PPM1D: variants seen among roughly 807,000 people sequenced by gnomAD.
PPM1D encodes the protein protein phosphatase 1D.
Under a neutral mutation model 58.3 loss-of-function variants are expected in PPM1D, and 52 were observed. The ratio of observed to expected loss-of-function variants is 0.89; its 90% CI spans 0.71 to 1.12. PPM1D has a LOEUF of 1.12. Ranked by LOEUF, PPM1D falls within the 50% of genes most tolerant of loss-of-function variation. The probability of loss-of-function intolerance (pLI) is 0.00; values close to 1 mark genes in which losing one functional copy is unlikely to be tolerated. For synonymous variants in PPM1D, 278 were observed against 285.1 expected, an observed-to-expected ratio of 0.98 and a Z score of 0.25; for missense variants, 564 against 777.2, an observed-to-expected ratio of 0.73 and a Z score of 3.26.
Position 60,663,597 on chromosome 17 carries a change from G to C in PPM1D, c.*45G>C. The stretch of plus-strand genomic sequence containing the variant: ...GTTTTTCCAAACTTAGGATATAAGA[G>C]GGCTTTTTAAATTTGGTGCCGATGT... On this transcript the variant is annotated 3_prime_UTR_variant, in exon 6 of 6. Transcript: ENST00000305921. 1 of 1,547,388 alleles carries C rather than the reference G, an allele frequency of 6.5e-7. No homozygotes were observed. The highest frequency in any genetic ancestry group is 1.2e-5 in the South Asian group (1 of 84,622).
At position 60,663,448 on chromosome 17, in the gene PPM1D, C is replaced by T. The variant is rs765769406; in HGVS notation, c.1714C>T (p.Arg572Ter). The T allele has an allele frequency of 8.7e-6, 14 of 1,613,874 alleles. No individual in the cohort carries two copies. Among genetic ancestry groups the T allele is most frequent in the East Asian group, 4.5e-5 (2 of 44,896 alleles). The change falls in exon 6 of 6, where the codon CGA becomes TGA. Residue 572 changes from arginine to a stop codon, truncating the protein, a stop_gained. Coordinates refer to ENST00000305921, the MANE Select transcript of PPM1D (RefSeq NM_003620.4). LOFTEE classifies it high-confidence loss of function. ...TGCAAGTCTCCCCACAACCTCACAGCGAAAGAACTCTGTTAAACTCACCAT... is the reference window on the plus strand; with the variant it reads ...TGCAAGTCTCCCCACAACCTCACAGTGAAAGAACTCTGTTAAACTCACCAT... ...QPASLPTTSQ[R>*]KNSVKLTMRR...
At chr17:60,624,230 G>A (rs949200085) in intron 2 of PPM1D, among the ~76,000 whole-genome samples, 13 of 152,238 alleles carry the variant, frequency 8.5e-5, no homozygotes, top group African/African-American at 3.1e-4. Context: ...AACTGAAATT[G>A]ATTTCAATTT....
Position 60,656,661 on chromosome 17 carries a change from G to A in PPM1D, c.1080G>A (p.Gln360=). ...ATCGAGCATTGGGCCGCTGGAGGCA[G>A]CGTATGCTCCGAGCAGATAACACTA... ...LVNRALGRWR[Q]RMLRADNTSA... Residue 360 remains glutamine (Q), a synonymous_variant, in exon 5 of 6, where the codon CAG becomes CAA. Transcript: ENST00000305921. 1 of 1,614,204 alleles carries A rather than the reference G, an allele frequency of 6.2e-7. No individual in the cohort carries two copies. Among genetic ancestry groups the A allele is most frequent in the South Asian group, 1.1e-5 (1 of 91,084 alleles).
At chr17:60,645,492 G>GTGTATATATATATA (rs1351779799) in intron 3 of PPM1D, among the ~76,000 whole-genome samples, 2 of 132,092 alleles carry the variant, frequency 1.5e-5, no homozygotes, top group African/African-American at 6.3e-5. Flanking sequence ...GTGTGTGTGT[G>GTGTATATATATATA]TATGTGTATA....
At chr17:60,633,797 T>TA (rs2030973355) in intron 2 of PPM1D, 56 bp from the exon 3 acceptor site, 1 of 1,443,856 alleles carries the variant, frequency 6.9e-7, no homozygotes, top group Non-Finnish European at 9.5e-7. Context: ...TACTGAGCTA[T>TA]CTTAGTTGTT....
At chr17:60,614,169 C>A (rs560074965) in intron 1 of PPM1D, among the ~76,000 whole-genome samples, 1 of 151,890 alleles carries the variant, frequency 6.6e-6, no homozygotes, top group Non-Finnish European at 1.5e-5. Context: ...ATCAGCACTC[C>A]GTATCTAGCT....
At chr17:60,645,524 ATATATATATGTGTATATATATG>A (rs1567974625) in intron 3 of PPM1D, among the ~76,000 whole-genome samples, 1 of 114,448 alleles carries the variant, frequency 8.7e-6, no homozygotes, top group Non-Finnish European at 1.6e-5. Flanking sequence ...ATATATATGT[ATATATATATGTGTATATATATG>A]TATATATATG....
chr17:60,610,207 C>G (rs1217986469), intron 1 of PPM1D, among the ~76,000 whole-genome samples: 1 of 150,672 alleles, frequency 6.6e-6, no homozygotes. Flanking sequence ...TATGTATGTA[C>G]GTATAGGAAA....
chr17:60,610,661 T>C (rs2030436156), intron 1 of PPM1D, among the ~76,000 whole-genome samples: 2 of 152,206 alleles, frequency 1.3e-5, no homozygotes, highest in African/African-American at 4.8e-5. Flanking sequence ...GTTTATACAA[T>C]GTCTGTAACT....
chr17:60,624,577 G>A (rs1184455941), intron 2 of PPM1D, among the ~76,000 whole-genome samples: 2 of 151,200 alleles, frequency 1.3e-5, no homozygotes, highest in African/African-American at 2.4e-5. Context: ...ACCTGAGGTC[G>A]GGAGTTCGAG....
intron 1 of PPM1D, among the ~76,000 whole-genome samples, chr17:60,612,430 C>T (rs1033137943): frequency 1.3e-5 from 2 of 151,956 alleles, no homozygotes; most frequent in African/African-American, 4.8e-5. Flanking sequence ...TTGTATATAG[C>T]GTGTTGCTCC....
At chr17:60,645,556 G>GTGTGTGTATATATATGTATATATATA (rs1567974706) in intron 3 of PPM1D, among the ~76,000 whole-genome samples, 39 of 120,312 alleles carry the variant, frequency 3.2e-4, no homozygotes, top group Admixed American at 7.8e-4. Flanking sequence ...GTATATATAT[G>GTGTGTGTATATATATGTATATATATA]TGTGTGTATA....
intron 3 of PPM1D, among the ~76,000 whole-genome samples, chr17:60,639,718 G>T (rs143352140): frequency 1.3e-5 from 2 of 152,152 alleles, no homozygotes; most frequent in Non-Finnish European, 2.9e-5. Context: ...GATTACAGGC[G>T]TGAGCCACCA....
Position 60,600,633 on chromosome 17 carries a change from A to C in PPM1D, c.219A>C (p.Arg73=). Residue 73 remains arginine (R), a synonymous_variant, in exon 1 of 6, where the codon CGA becomes CGC. Transcript: ENST00000305921. The part of the protein sequence containing the change: ...VSGKGPAVAA[R]EARDPLPDAG... ...GGAAAGGCCCAGCGGTGGCAGCCCG[A>C]GAGGCTCGCGACCCTCTCCCGGACG... 6.4e-7 allele frequency: 1 copy of C among 1,557,624 alleles called. No homozygotes were observed. The highest frequency in any genetic ancestry group is 8.7e-7 in the Non-Finnish European group (1 of 1,154,198).
rs1178550640 is a variant in PPM1D, at chr17:60,646,337, G to T, written c.827-1555G>T. 2.6e-5 allele frequency among the ~76,000 whole-genome samples: 4 copies of T among 152,290 alleles called. No individual in the cohort carries two copies. In the East Asian group the frequency reaches 7.7e-4, roughly 29 times the overall value. The stretch of plus-strand genomic sequence containing the variant: ...GAATTATTCTTTCTTTGGACTCTGA[G>T]CATGTTTGAATTGCCAGTATTTCTG... On this transcript the variant is annotated intron_variant, in intron 3 of 5. Coordinates refer to ENST00000305921, the MANE Select transcript of PPM1D (RefSeq NM_003620.4).
chr17:60,600,621 G>T lies in PPM1D; in HGVS notation c.207G>T (p.Ala69=), dbSNP rs1448225531. ...PGGEVSGKGP[A]VAAREARDPL... is the part of the protein sequence containing the mutation. ...GCGAAGTCTCGGGGAAAGGCCCAGC[G>T]GTGGCAGCCCGAGAGGCTCGCGACC... The change falls in exon 1 of 6, where the codon GCG becomes GCT. Residue 69 remains alanine (A), a synonymous_variant. Transcript: ENST00000305921. The T allele has an allele frequency of 3.2e-6, 5 of 1,561,464 alleles. No individual in the cohort carries two copies. Among genetic ancestry groups the T allele is most frequent in the Middle Eastern group, 1.8e-4 (1 of 5,670 alleles).
intron 1 of PPM1D, among the ~76,000 whole-genome samples, chr17:60,618,532 T>C (rs2030631003): frequency 6.6e-6 from 1 of 152,224 alleles, no homozygotes; most frequent in Non-Finnish European, 1.5e-5. Context: ...TTAGTATTTC[T>C]CTGATAATTA....
chr17:60,642,051 A>G (rs577489798), intron 3 of PPM1D, among the ~76,000 whole-genome samples: 1 of 152,358 alleles, frequency 6.6e-6, no homozygotes, highest in African/African-American at 2.4e-5. Context: ...ACTTTGGTGT[A>G]CAAACACTAG....
chr17:60,609,251 G>A (rs929479548), intron 1 of PPM1D, among the ~76,000 whole-genome samples: 26 of 151,454 alleles, frequency 1.7e-4, no homozygotes, highest in African/African-American at 5.8e-4. Context: ...GCACTACCAC[G>A]CCCAGCTAAT....
Sources: gnomAD v4.1 joint callset for allele counts (sites outside exome capture counted in the v4.1 genomes callset) on GRCh38, gnomAD v4.1.1 for gene constraint, MANE v1.5 for transcripts, NCBI Gene and HGNC (gene_info 2026-07-23, HGNC 2026-07-21) for gene names.